The following KCNC4 variants were observed in gnomAD, a reference collection of about 807,000 sequenced individuals.
KCNC4 encodes the protein potassium voltage-gated channel subfamily C member 4.
A neutral mutation model predicts 42.8 loss-of-function variants in KCNC4; 23 were observed. The ratio of observed to expected loss-of-function variants is 0.54; its 90% confidence interval spans 0.39 to 0.76. The LOEUF is 0.76. Ranked by LOEUF, KCNC4 falls within the 30% of genes least tolerant of loss-of-function variation. KCNC4 has a pLI of 0.00. For synonymous variants in KCNC4, 422 were observed against 393.5 expected (o/e 1.07, Z -0.86); for missense variants, 751 against 898.2 (o/e 0.84, Z 2.10).
At chr1:110,279,290 C>T (rs1659781183) in intron 1 of KCNC4, among the ~76,000 whole-genome samples, 1 of 152,162 alleles carries the variant, frequency 6.6e-6, no homozygotes, top group African/African-American at 2.4e-5. Flanking sequence ...ACCAACTCGC[C>T]ATCCTGTTCT....
At chr1:110,214,688 C>T (rs1312194356) in intron 1 of KCNC4, among the ~76,000 whole-genome samples, 1 of 152,202 alleles carries the variant, frequency 6.6e-6, no homozygotes, top group Non-Finnish European at 1.5e-5. Context: ...GACTCCCAAG[C>T]CCTTGCTCTT....
intron 1 of KCNC4, among the ~76,000 whole-genome samples, chr1:110,268,478 C>T (rs984320257): frequency 1.3e-5 from 2 of 151,586 alleles, no homozygotes; most frequent in Admixed American, 6.6e-5. Flanking sequence ...TGGTGGCGGG[C>T]GCCTGTAGTG....
chr1:110,222,740 T>C lies in KCNC4; in HGVS notation c.679-224T>C. Reference sequence around the variant, plus strand: ...ACCAGTGTTTCCAGCCAAGAGCAGCTTCTATCTTTTGTGACAAAGATTGGG... The same window carrying C: ...ACCAGTGTTTCCAGCCAAGAGCAGCCTCTATCTTTTGTGACAAAGATTGGG... On this transcript the variant is annotated intron_variant, in intron 1 of 3. Coordinates refer to ENST00000438661, the MANE Select transcript of KCNC4 (RefSeq NM_001039574.3). 1.6e-5 allele frequency: 9 copies of C among 551,232 alleles called. No homozygotes were observed. In the East Asian group the frequency reaches 2.7e-4, roughly 16 times the overall value. The allele number at this position is 551,232 out of a possible 1,614,324, so 34.1% of individuals were successfully genotyped here. A position where few individuals can be genotyped will look rare whatever the true frequency, so the allele number is the denominator to read the frequency against.
intron 2 of KCNC4, 193 bp from the exon 3 acceptor site, chr1:110,225,782 T>C: frequency 1.7e-6 from 1 of 581,292 alleles, no homozygotes; most frequent in East Asian, 2.8e-5. Flanking sequence ...GGGAAGTCAG[T>C]CTTCACACCA....
At chr1:110,220,714 A>G (rs1658050835) in intron 1 of KCNC4, 1 of 152,200 alleles carries the variant, frequency 6.6e-6, no homozygotes, top group Non-Finnish European at 1.5e-5. Context: ...GACTCCTGGC[A>G]TGGCCACGGC....
At chr1:110,230,290 G>T (rs1026776210) in intron 3 of KCNC4, among the ~76,000 whole-genome samples, 2 of 152,204 alleles carry the variant, frequency 1.3e-5, no homozygotes, top group Admixed American at 1.3e-4. Context: ...CCATGCAACT[G>T]CCCTTCAGGA....
intron 1 of KCNC4, among the ~76,000 whole-genome samples, chr1:110,216,106 G>A (rs969574057): frequency 1.3e-5 from 2 of 152,248 alleles, no homozygotes; most frequent in African/African-American, 4.8e-5. Context: ...CCCAGGCAGA[G>A]CATGAAACCA....
At chr1:110,253,005 T>C (rs946377002), downstream of KCNC4, among the ~76,000 whole-genome samples, 1 of 152,198 alleles carries the variant, frequency 6.6e-6, no homozygotes, top group African/African-American at 2.4e-5. Flanking sequence ...GCAGGCTGAT[T>C]CCCTCACCCC....
rs1055097440 is a variant in KCNC4 at position 110,233,573 on chromosome 1, GCCT to G, written c.*607_*609del. 9 of 154,830 alleles carry G rather than the reference GCCT, an allele frequency of 5.8e-5. No homozygotes were observed. Among genetic ancestry groups the G allele is most frequent in the African/African-American group, 9.7e-5 (4 of 41,448 alleles). The allele number at this position is 154,830 out of a possible 1,614,324, so 9.6% of individuals were successfully genotyped here. The stretch of plus-strand genomic sequence containing the variant: ...GGGGACTTCCAGGGGCTCCTCTGCA[GCCT>G]CCTCCACTACTTCCTCCACCCCATC... On this transcript the variant is annotated 3_prime_UTR_variant, in exon 4 of 4. Transcript: ENST00000438661.
At chr1:110,279,943 A>G (rs1433351177) in intron 1 of KCNC4, among the ~76,000 whole-genome samples, 1 of 151,600 alleles carries the variant, frequency 6.6e-6, no homozygotes, top group Non-Finnish European at 1.5e-5. Flanking sequence ...ACCCGCCACT[A>G]CGCTCAGTTA....
At chr1:110,213,135 C>T (rs1331595368) in intron 1 of KCNC4, among the ~76,000 whole-genome samples, 3 of 111,906 alleles carry the variant, frequency 2.7e-5, no homozygotes, top group African/African-American at 1.1e-4. Context: ...AAGGGGAGAA[C>T]GGGGGAGGTG....
At chr1:110,274,996 A>T (rs1220804322) in intron 1 of KCNC4, among the ~76,000 whole-genome samples, 1 of 152,224 alleles carries the variant, frequency 6.6e-6, no homozygotes, top group Non-Finnish European at 1.5e-5. Context: ...AAGCAATAAA[A>T]ACAAAAATAG....
At chr1:110,270,157 A>G (rs1659613070) in intron 1 of KCNC4, among the ~76,000 whole-genome samples, 3 of 152,210 alleles carry the variant, frequency 2.0e-5, no homozygotes. Flanking sequence ...TCCCTTGGTC[A>G]TGAGCAGTTC....
At chr1:110,269,376 G>A (rs1240821543) in intron 1 of KCNC4, among the ~76,000 whole-genome samples, 6 of 152,070 alleles carry the variant, frequency 3.9e-5, no homozygotes, top group African/African-American at 1.4e-4. Flanking sequence ...AATCTGTGGT[G>A]GTTTTATTTT....
chr1:110,226,424 G>A, intron 3 of KCNC4: 4 of 544,888 alleles, frequency 7.3e-6, no homozygotes, highest in Non-Finnish European at 1.3e-5. Flanking sequence ...GCGCTAGAGG[G>A]TAAAGGGTGC....
At chr1:110,230,227 C>G (rs544380848) in intron 3 of KCNC4, among the ~76,000 whole-genome samples, 18 of 152,312 alleles carry the variant, frequency 1.2e-4, no homozygotes, top group African/African-American at 3.8e-4. Context: ...CACTTGCTCT[C>G]AGAATGAAGT....
chr1:110,214,139 G>C (rs939115960), intron 1 of KCNC4, among the ~76,000 whole-genome samples: 4 of 152,242 alleles, frequency 2.6e-5, no homozygotes, highest in Non-Finnish European at 5.9e-5. Context: ...AACCCAGGGT[G>C]CTTTGCCCCT....
intron 1 of KCNC4, among the ~76,000 whole-genome samples, chr1:110,268,931 T>C (rs1659595225): frequency 6.6e-6 from 1 of 151,828 alleles, no homozygotes; most frequent in Non-Finnish European, 1.5e-5. Context: ...GGTTTCACCG[T>C]GGTCTCGATC....
chr1:110,257,744 T>TAAAAAAAAAAAAAA (rs1659362269), intron 1 of KCNC4, among the ~76,000 whole-genome samples: 1 of 94,388 alleles, frequency 1.1e-5, no homozygotes, highest in African/African-American at 3.9e-5. Context: ...AAAAAAAAAG[T>TAAAAAAAAAAAAAA]CCAGAGGCAG....
Sources: gnomAD v4.1 joint callset for allele counts (sites outside exome capture counted in the v4.1 genomes callset) on GRCh38, gnomAD v4.1.1 for gene constraint, MANE v1.5 for transcripts, NCBI Gene and HGNC (gene_info 2026-07-23, HGNC 2026-07-21) for gene names.